The following LRMDA variants were observed in gnomAD, a reference collection of about 807,000 sequenced individuals.
The protein encoded by LRMDA is leucine-rich melanocyte differentiation-associated protein.
Under a neutral mutation model 29.8 loss-of-function variants are expected in LRMDA, and 18 were observed. The ratio of observed to expected loss-of-function variants is 0.60; its 90% CI spans 0.42 to 0.90. LRMDA has a LOEUF of 0.90. Ranked by LOEUF, LRMDA falls within the 40% of genes least tolerant of loss-of-function variation. LRMDA has a pLI of 0.00. For synonymous variants in LRMDA, 125 were observed against 109.4 expected, an observed-to-expected ratio of 1.14 and a Z score of -0.89; for missense variants, 273 against 273.9, an observed-to-expected ratio of 1.00 and a Z score of 0.02.
At chr10:75,701,254 T>C (rs16932566) in intron 2 of LRMDA, among the ~76,000 whole-genome samples, 15,512 of 152,078 alleles carry the variant, frequency 0.1, 938 homozygotes, top group South Asian at 0.22. Context: ...AATAGAATAT[T>C]TGTGAGCAAC....
chr10:75,735,917 C>T (rs1400706063), intron 2 of LRMDA, among the ~76,000 whole-genome samples: 3 of 152,106 alleles, frequency 2.0e-5, no homozygotes, highest in South Asian at 2.1e-4. Flanking sequence ...CATCTTTCCA[C>T]GGTAAGATGC....
At chr10:75,563,262 C>G (rs551918966) in intron 2 of LRMDA, among the ~76,000 whole-genome samples, 2 of 152,082 alleles carry the variant, frequency 1.3e-5, no homozygotes, top group African/African-American at 2.4e-5. Flanking sequence ...CTTCCCTTCT[C>G]GCTTCATTTC....
chr10:75,867,975 G>T (rs1845047614), intron 2 of LRMDA, among the ~76,000 whole-genome samples: 1 of 151,992 alleles, frequency 6.6e-6, no homozygotes, highest in South Asian at 2.1e-4. Context: ...AATTCCCCAG[G>T]TCACAAAATA....
At chr10:75,632,458 C>T (rs1438552631) in intron 2 of LRMDA, among the ~76,000 whole-genome samples, 2 of 152,022 alleles carry the variant, frequency 1.3e-5, no homozygotes, top group African/African-American at 2.4e-5. Flanking sequence ...TGAAATTTAC[C>T]ATCTTAAGTT....
At position 75,536,813 on chromosome 10, in the gene LRMDA, G is replaced by A. The variant is rs1296973055; in HGVS notation, c.131+98319G>A. Among the ~76,000 whole-genome samples the A allele has an allele frequency of 2.0e-5, 3 of 152,028 alleles. No individual in the cohort carries two copies. In the East Asian group the frequency reaches 5.8e-4, roughly 29 times the overall value. ...AGCCTCAAGTGATCCTCTTGTCTCA[G>A]CCTCCCAGATTGTTGGGATTACAGG... On this transcript the variant is annotated intron_variant, in intron 2 of 6. Transcript: ENST00000611255.
chr10:76,247,720 C>T (rs1852401167), intron 5 of LRMDA, among the ~76,000 whole-genome samples: 1 of 152,098 alleles, frequency 6.6e-6, no homozygotes, highest in African/African-American at 2.4e-5. Context: ...GGGGGCTTGA[C>T]CTTGTGACTT....
intron 5 of LRMDA, among the ~76,000 whole-genome samples, chr10:76,194,336 C>T (rs1851297308): frequency 6.6e-6 from 1 of 152,222 alleles, no homozygotes; most frequent in Non-Finnish European, 1.5e-5. Context: ...AGGCTCCTAA[C>T]ACTTCTTTCC....
intron 2 of LRMDA, among the ~76,000 whole-genome samples, chr10:75,745,959 A>G (rs1842885486): frequency 6.6e-6 from 1 of 152,198 alleles, no homozygotes; most frequent in South Asian, 2.1e-4. Flanking sequence ...CAGGTATCAC[A>G]TTATCTCAAG....
chr10:76,251,009 C>T (rs536894592), intron 5 of LRMDA, among the ~76,000 whole-genome samples: 2 of 152,248 alleles, frequency 1.3e-5, no homozygotes, highest in South Asian at 4.1e-4. Flanking sequence ...CAGATGGCAG[C>T]TCACAAAACT....
intron 2 of LRMDA, among the ~76,000 whole-genome samples, chr10:75,917,755 CAGA>C (rs1238664968): frequency 6.6e-6 from 1 of 152,118 alleles, no homozygotes; most frequent in Non-Finnish European, 1.5e-5. Context: ...TGGGAGCAAA[CAGA>C]AGAAGTGAAG....
intron 2 of LRMDA, among the ~76,000 whole-genome samples, chr10:75,439,673 TG>T (rs1589144827): frequency 6.6e-6 from 1 of 152,174 alleles, no homozygotes; most frequent in East Asian, 1.9e-4. Context: ...GGCCGCTGTC[TG>T]TGTATTCTTC....
At chr10:75,465,749 A>G (rs1309292978) in intron 2 of LRMDA, among the ~76,000 whole-genome samples, 10 of 152,192 alleles carry the variant, frequency 6.6e-5, no homozygotes, top group Non-Finnish European at 1.5e-5. Flanking sequence ...CCAATCTGGC[A>G]TATGGTAGCA....
chr10:76,151,399 GT>G (rs139078465), intron 5 of LRMDA, among the ~76,000 whole-genome samples: 3 of 151,586 alleles, frequency 2.0e-5, no homozygotes, highest in South Asian at 2.1e-4. Context: ...CCATTACCCA[GT>G]TTTTTTTTCC....
At chr10:76,306,626 A>G (rs1013432509) in intron 5 of LRMDA, among the ~76,000 whole-genome samples, 1 of 152,242 alleles carries the variant, frequency 6.6e-6, no homozygotes, top group Non-Finnish European at 1.5e-5. Flanking sequence ...TTTTAGAAAT[A>G]GGCCTGAAAG....
intron 2 of LRMDA, among the ~76,000 whole-genome samples, chr10:75,812,126 T>TG: frequency 6.8e-6 from 1 of 147,936 alleles, no homozygotes; most frequent in African/African-American, 2.5e-5. Flanking sequence ...TTTTTTTTTT[T>TG]TTTTTTTTTT....
chr10:75,838,276 C>T (rs1214827902), intron 2 of LRMDA, among the ~76,000 whole-genome samples: 1 of 152,112 alleles, frequency 6.6e-6, no homozygotes, highest in Non-Finnish European at 1.5e-5. Flanking sequence ...AATACAAATA[C>T]TAATATAATA....
At chr10:76,058,144 A>T (rs61862703) in intron 4 of LRMDA, among the ~76,000 whole-genome samples, 1 of 152,234 alleles carries the variant, frequency 6.6e-6, no homozygotes, top group African/African-American at 2.4e-5. Flanking sequence ...GATGATGCGA[A>T]CAAAGTTCTT....
At chr10:75,751,183 C>T (rs1437824251) in intron 2 of LRMDA, among the ~76,000 whole-genome samples, 3 of 152,196 alleles carry the variant, frequency 2.0e-5, no homozygotes, top group African/African-American at 7.2e-5. Flanking sequence ...GGCGTGGCGG[C>T]GCGTGCCTGC....
At chr10:75,638,910 A>G (rs773763653) in intron 2 of LRMDA, among the ~76,000 whole-genome samples, 1 of 152,236 alleles carries the variant, frequency 6.6e-6, no homozygotes. Flanking sequence ...TTAATGTTGC[A>G]TAAGTAAGAA....
Sources: allele counts gnomAD v4.1 joint callset (sites outside exome capture counted in the v4.1 genomes callset), GRCh38; gene constraint gnomAD v4.1.1; transcripts MANE v1.5; gene names NCBI Gene and HGNC (gene_info 2026-07-23, HGNC 2026-07-21).